TBX19: variants seen among roughly 807,000 people sequenced by gnomAD.
TBX19 encodes T-box transcription factor 19.
Under a neutral mutation model 40.9 loss-of-function variants are expected in TBX19, and 33 were observed. That is an observed-to-expected ratio of 0.81 (90% CI 0.61 to 1.08). The LOEUF is 1.08. TBX19 is among the 50% of genes least tolerant of loss of function. TBX19 has a pLI of 0.00. For missense variants in TBX19, 494 were observed against 574.0 expected, an observed-to-expected ratio of 0.86 and a Z score of 1.42; for synonymous variants, 220 against 225.0, an observed-to-expected ratio of 0.98 and a Z score of 0.20.
Position 168,305,131 on chromosome 1 carries a change from G to T in TBX19, c.851G>T (p.Gly284Val). 1 of 1,614,000 alleles carries T rather than the reference G, an allele frequency of 6.2e-7. No homozygotes were observed. Among genetic ancestry groups the T allele is most frequent in the East Asian group, 2.2e-5 (1 of 44,880 alleles). ...CACCATGGCTGTGAGCACTATTCGG[G>T]TCTCCGAGGACACCGGCAGGCTCCC... ...HTHHGCEHYS[G>V]LRGHRQAPYP... Residue 284 changes from glycine (G) to valine (V), a missense_variant, in exon 6 of 8, where the codon GGT (glycine) becomes GTT (valine). Physicochemically the swap from Gly to Val is moderately radical, Grantham distance 109. Around this residue, in one of 3 missense-constraint regions of TBX19, gnomAD observed 284 missense variants for 307.3 expected, o/e 0.92. Transcript: ENST00000367821.
intron 5 of TBX19, among the ~76,000 whole-genome samples, chr1:168,302,426 T>C (rs1354289197): frequency 3.3e-5 from 5 of 152,202 alleles, no homozygotes; most frequent in African/African-American, 1.2e-4. Flanking sequence ...CCTTAGCCAA[T>C]GTTCTTAAGG....
chr1:168,305,226 G>C, intron 6 of TBX19, 30 bp downstream of exon 6: 1 of 1,603,824 alleles, frequency 6.2e-7, no homozygotes. Flanking sequence ...AAACCCTTGG[G>C]GTATGGGCTG....
intron 2 of TBX19, among the ~76,000 whole-genome samples, chr1:168,292,184 C>A (rs766475540): frequency 2.6e-5 from 4 of 152,192 alleles, no homozygotes; most frequent in African/African-American, 4.8e-5. Context: ...CTTCTCTGAT[C>A]TCTGTGCTCA....
intron 3 of TBX19, among the ~76,000 whole-genome samples, chr1:168,293,947 A>G (rs1488504144): frequency 6.6e-6 from 1 of 152,212 alleles, no homozygotes; most frequent in Non-Finnish European, 1.5e-5. Flanking sequence ...TTAAAAACAC[A>G]TAATAAACTG....
intron 6 of TBX19, 156 bp from the exon 7 acceptor site, chr1:168,308,586 T>G: frequency 1.1e-6 from 1 of 936,566 alleles, no homozygotes. Context: ...AAACCCACGT[T>G]TCTTTTTATT....
intron 5 of TBX19, among the ~76,000 whole-genome samples, chr1:168,303,435 C>G (rs1649325729): frequency 6.6e-6 from 1 of 152,158 alleles, no homozygotes; most frequent in Non-Finnish European, 1.5e-5. Flanking sequence ...TTGATAGAGT[C>G]CTTTGATAGG....
rs1553289822 is a variant in TBX19, at chr1:168,298,800, C to CCCCTCCCTCCCTGCCT, written c.665+1027_665+1028insGCCTCCCTCCCTCCCT. On this transcript the variant is annotated intron_variant, in intron 4 of 7. Coordinates refer to ENST00000367821, the MANE Select transcript of TBX19 (RefSeq NM_005149.3). ...CCTTCCCTCCCTCCTCTCCTCTCCT[C>CCCCTCCCTCCCTGCCT]CCCTCCCTCCCTCCCTCCCTTCCTT... Among the ~76,000 whole-genome samples, 3 of 8,040 alleles carry CCCCTCCCTCCCTGCCT rather than the reference C, an allele frequency of 3.7e-4. 1 individual carries two copies. The highest frequency in any genetic ancestry group is 2.0e-3 in the Admixed American group (2 of 992). 5.3% of individuals were successfully genotyped at this position (8,040 alleles called of 152,430 possible). A position where few individuals can be genotyped will look rare whatever the true frequency, so the allele number is the denominator to read the frequency against.
intron 7 of TBX19, 53 bp from the exon 8 acceptor site, chr1:168,312,655 C>G (rs1649551660): frequency 6.3e-7 from 1 of 1,596,592 alleles, no homozygotes; most frequent in African/African-American, 1.3e-5. Context: ...GGTGGCACTC[C>G]TTCCTTGGAG....
Position 168,312,773 on chromosome 1 carries a change from T to G in TBX19, c.1118T>G (p.Val373Gly). Residue 373 changes from valine (V) to glycine (G), a missense_variant, in exon 8 of 8, where the codon GTG becomes GGG. By Grantham distance (109) the Val-to-Gly change is moderately radical. Transcript: ENST00000367821. ...AGGPSGPGPE[V>G]HASTPGAFLL... ...GGCCCCAGTGGGCCAGGCCCGGAGG[T>G]GCACGCCAGCACCCCAGGAGCATTT... 6.2e-7 allele frequency: 1 copy of G among 1,614,092 alleles called. No individual in the cohort carries two copies. The highest frequency in any genetic ancestry group is 8.5e-7 in the Non-Finnish European group (1 of 1,180,014).
At chr1:168,286,033 TA>T (rs1179613002) in intron 1 of TBX19, among the ~76,000 whole-genome samples, 5 of 152,198 alleles carry the variant, frequency 3.3e-5, no homozygotes, top group African/African-American at 7.2e-5. Flanking sequence ...GGGAATGTAT[TA>T]AAAAATGTAT....
intron 3 of TBX19, among the ~76,000 whole-genome samples, chr1:168,296,680 C>T (rs550189791): frequency 5.3e-5 from 8 of 152,190 alleles, no homozygotes; most frequent in Non-Finnish European, 2.9e-5. Context: ...ATTTTGCTTT[C>T]CTTCTTCCAT....
chr1:168,281,621 C>T (rs1413301379), intron 1 of TBX19, among the ~76,000 whole-genome samples: 3 of 152,200 alleles, frequency 2.0e-5, no homozygotes, highest in Non-Finnish European at 4.4e-5. Context: ...TAGCTGCATA[C>T]CCTATCGCAG....
chr1:168,298,831 CTTTCTTTCTTT>C (rs1558192789), intron 4 of TBX19, among the ~76,000 whole-genome samples: 6 of 34,570 alleles, frequency 1.7e-4, no homozygotes, highest in African/African-American at 5.4e-4. Flanking sequence ...TCCTTTCTTT[CTTTCTTTCTTT>C]CTTTCTTTCT....
intron 2 of TBX19, among the ~76,000 whole-genome samples, chr1:168,292,788 C>T (rs1038340408): frequency 2.8e-5 from 4 of 144,666 alleles, no homozygotes; most frequent in African/African-American, 5.1e-5. Flanking sequence ...GGCGTGAACC[C>T]GGGAGGCGGA....
At chr1:168,292,610 A>T (rs1309796256) in intron 2 of TBX19, among the ~76,000 whole-genome samples, 1 of 152,062 alleles carries the variant, frequency 6.6e-6, no homozygotes, top group Non-Finnish European at 1.5e-5. Context: ...CGCGCCTGTA[A>T]TCCCAGCACT....
intron 7 of TBX19, 120 bp from the exon 8 acceptor site, chr1:168,312,588 A>G (rs1649550865): frequency 1.7e-6 from 2 of 1,191,462 alleles, no homozygotes; most frequent in Non-Finnish European, 2.5e-6. Context: ...AAATAAAGCC[A>G]TGGCCAGAAG....
rs1648641540 is a variant in TBX19 at position 168,281,275 on chromosome 1, T to C, written c.185T>C (p.Ile62Thr). Residue 62 changes from isoleucine (I) to threonine (T), a missense_variant, in exon 1 of 8, where the codon ATT (isoleucine) becomes ACT (threonine). Around this residue, in one of 3 missense-constraint regions of TBX19, gnomAD observed 201 missense variants for 235.2 expected, o/e 0.85. Transcript: ENST00000367821. ...QRFKEVTNEMIVTKNGRRMFP... is the reference protein window; with the variant it reads ...QRFKEVTNEMTVTKNGRRMFP... ...TTCAAGGAAGTCACTAATGAGATGA[T>C]TGTGACCAAGAATGGCAGGTGAGTT... The C allele has an allele frequency of 6.2e-7, 1 of 1,614,110 alleles. No homozygotes were observed. The highest frequency in any genetic ancestry group is 8.5e-7 in the Non-Finnish European group (1 of 1,180,004).
At chr1:168,305,991 T>C (rs1003957359) in intron 6 of TBX19, among the ~76,000 whole-genome samples, 2 of 152,190 alleles carry the variant, frequency 1.3e-5, no homozygotes, top group Non-Finnish European at 2.9e-5. Context: ...TATACTAATA[T>C]GAAAAGATTG....
At chr1:168,284,309 T>A (rs1203682966) in intron 1 of TBX19, among the ~76,000 whole-genome samples, 1 of 152,218 alleles carries the variant, frequency 6.6e-6, no homozygotes, top group Non-Finnish European at 1.5e-5. Context: ...TTCCCTTTCA[T>A]GTCCATCCTT....
Sources: gnomAD v4.1 joint callset for allele counts (sites outside exome capture counted in the v4.1 genomes callset) on GRCh38, gnomAD v4.1.1 for gene constraint, gnomAD v4.1.1 regional missense constraint, MANE v1.5 for transcripts, NCBI Gene and HGNC (gene_info 2026-07-23, HGNC 2026-07-21) for gene names.